UBE2D1: variants seen among roughly 807,000 people sequenced by gnomAD.
UBE2D1 encodes the protein ubiquitin conjugating enzyme E2 D1, also known as ubiquitin-conjugating enzyme E2 D1.
A neutral mutation model predicts 24.6 loss-of-function variants in UBE2D1; 9 were observed. The ratio of observed to expected loss-of-function variants is 0.37; its 90% CI spans 0.22 to 0.64. The LOEUF (loss-of-function observed/expected upper bound fraction) is 0.64, where lower values mean the gene tolerates loss of function less well. Among genes scored for constraint, UBE2D1 ranks in the 30% least tolerant of loss-of-function variants. The pLI is 0.64. For missense variants in UBE2D1, 87 were observed against 177.1 expected (o/e 0.49, Z 2.89); for synonymous variants, 57 against 57.6 (o/e 0.99, Z 0.04).
At chr10:58,362,799 G>A (rs1564562241) in intron 3 of UBE2D1, among the ~76,000 whole-genome samples, 1 of 151,926 alleles carries the variant, frequency 6.6e-6, no homozygotes, top group Non-Finnish European at 1.5e-5. Context: ...GAAACTTAAC[G>A]AGAAAGTAAT....
intron 1 of UBE2D1, among the ~76,000 whole-genome samples, chr10:58,359,155 C>G (rs892943207): frequency 6.6e-6 from 1 of 152,052 alleles, no homozygotes; most frequent in African/African-American, 2.4e-5. Context: ...AGGCCTTTCC[C>G]TGTCACACCC....
intron 5 of UBE2D1, among the ~76,000 whole-genome samples, chr10:58,367,714 A>G (rs1193423680): frequency 2.6e-5 from 4 of 152,166 alleles, no homozygotes; most frequent in Non-Finnish European, 5.9e-5. Flanking sequence ...ATAATTTTAT[A>G]TTTTATGCAT....
chr10:58,335,262 C>A, intron 1 of UBE2D1, 37 bp downstream of exon 1: 1 of 1,503,218 alleles, frequency 6.7e-7, no homozygotes, highest in South Asian at 1.3e-5. Flanking sequence ...TGCGGGGCAG[C>A]GGCCCCCTGC....
Position 58,335,037 on chromosome 10 carries a change from C to A in UBE2D1, c.-165C>A. On this transcript the variant is annotated 5_prime_UTR_variant, in exon 1 of 7. Coordinates refer to ENST00000373910, the MANE Select transcript of UBE2D1 (RefSeq NM_003338.5). ...TCGCGCACACTCGCGCTCGGGCGCACACGGAGCAGGGACCGGCGCCCGGAG... is the reference window on the plus strand; with the variant it reads ...TCGCGCACACTCGCGCTCGGGCGCAAACGGAGCAGGGACCGGCGCCCGGAG... 1.5e-6 allele frequency: 1 copy of A among 654,688 alleles called. No homozygotes were observed. The highest frequency in any genetic ancestry group is 2.5e-6 in the Non-Finnish European group (1 of 404,860). The allele number at this position is 654,688 out of a possible 1,614,324, so 40.6% of individuals were successfully genotyped here. A position where few individuals can be genotyped will look rare whatever the true frequency, so the allele number is the denominator to read the frequency against.
chr10:58,335,053 G>T lies in UBE2D1; in HGVS notation c.-149G>T. 5 of 801,724 alleles carry T rather than the reference G, an allele frequency of 6.2e-6. No individual in the cohort carries two copies. The highest frequency in any genetic ancestry group is 9.7e-6 in the Non-Finnish European group (5 of 514,054). The allele number at this position is 801,724 out of a possible 1,614,324, so 49.7% of individuals were successfully genotyped here. ...TCGGGCGCACACGGAGCAGGGACCGGCGCCCGGAGCGAGCCAGGGAGCGGC... is the reference window on the plus strand; with the variant it reads ...TCGGGCGCACACGGAGCAGGGACCGTCGCCCGGAGCGAGCCAGGGAGCGGC... On this transcript the variant is annotated 5_prime_UTR_variant, in exon 1 of 7. Transcript: ENST00000373910.
chr10:58,368,985 C>A lies in UBE2D1; in HGVS notation c.*220C>A. The A allele has an allele frequency of 3.2e-6, 1 of 316,216 alleles. No individual in the cohort carries two copies. The highest frequency in any genetic ancestry group is 4.7e-5 in the East Asian group (1 of 21,100). The allele number at this position is 316,216 out of a possible 1,614,324, so 19.6% of individuals were successfully genotyped here. A position where few individuals can be genotyped will look rare whatever the true frequency, so the allele number is the denominator to read the frequency against. ...ATCATTTTGTATGCATTGAGAAAGA[C>A]ATTTATTATGGTTTTTAAGATACTT... On this transcript the variant is annotated 3_prime_UTR_variant, in exon 7 of 7. Coordinates refer to ENST00000373910, the MANE Select transcript of UBE2D1 (RefSeq NM_003338.5).
Position 58,339,921 on chromosome 10 carries a change from G to A in UBE2D1, c.24+4696G>A, listed in dbSNP as rs542293970. ...TTCCACTTCTTAGGAGAGAATGATA[G>A]TTTTTGGATGTTGAAGAGAGCATTC... is the stretch of plus-strand genomic sequence containing the variant. On this transcript the variant is annotated intron_variant, in intron 1 of 6. Coordinates refer to ENST00000373910, the MANE Select transcript of UBE2D1 (RefSeq NM_003338.5). Among the ~76,000 whole-genome samples, 75 of 152,254 alleles carry A rather than the reference G, an allele frequency of 4.9e-4. 4 individuals carry two copies. In the South Asian group the frequency reaches 0.015, roughly 30 times the overall value.
chr10:58,346,604 A>G (rs1367591625), intron 1 of UBE2D1, among the ~76,000 whole-genome samples: 1 of 152,176 alleles, frequency 6.6e-6, no homozygotes, highest in Non-Finnish European at 1.5e-5. Context: ...TTTGCAACTA[A>G]AGGCAAGATT....
chr10:58,364,929 T>C (rs562299118), intron 5 of UBE2D1, 53 bp downstream of exon 5: 1 of 1,384,346 alleles, frequency 7.2e-7, no homozygotes, highest in African/African-American at 1.4e-5. Context: ...ACAGGAAAAA[T>C]ACAGCAGAAT....
chr10:58,360,921 CAAAAA>C, intron 1 of UBE2D1: 1 of 392,504 alleles, frequency 2.5e-6, no homozygotes, highest in South Asian at 1.8e-5. Flanking sequence ...GATCCTGTCT[CAAAAA>C]AAAAAAAAAA....
chr10:58,363,376 C>T (rs766190450), intron 3 of UBE2D1, among the ~76,000 whole-genome samples: 1 of 152,056 alleles, frequency 6.6e-6, no homozygotes, highest in Non-Finnish European at 1.5e-5. Context: ...TTTATGATGT[C>T]GGCATAGTTG....
chr10:58,336,283 A>G (rs1461666738), intron 1 of UBE2D1, among the ~76,000 whole-genome samples: 2 of 152,254 alleles, frequency 1.3e-5, no homozygotes, highest in African/African-American at 4.8e-5. Flanking sequence ...GCTTTTCACT[A>G]AGTTAAGCAA....
chr10:58,341,653 A>C (rs1409967103), intron 1 of UBE2D1, among the ~76,000 whole-genome samples: 1 of 152,210 alleles, frequency 6.6e-6, no homozygotes, highest in Non-Finnish European at 1.5e-5. Context: ...AGGATGTGGG[A>C]TTGCCTCCAG....
chr10:58,344,853 G>A (rs1018691547), intron 1 of UBE2D1, among the ~76,000 whole-genome samples: 1 of 150,112 alleles, frequency 6.7e-6, no homozygotes, highest in Non-Finnish European at 1.5e-5. Context: ...TGCCTTATAG[G>A]TAATAGTTTT....
At chr10:58,345,130 G>T (rs1045572010) in intron 1 of UBE2D1, among the ~76,000 whole-genome samples, 1 of 151,954 alleles carries the variant, frequency 6.6e-6, no homozygotes, top group Non-Finnish European at 1.5e-5. Flanking sequence ...CTCCCAAAGT[G>T]CTGGGATTAC....
chr10:58,361,326 G>T lies in UBE2D1; in HGVS notation c.25-12G>T, dbSNP rs373233616. The T allele has an allele frequency of 1.1e-5, 18 of 1,613,664 alleles. No individual in the cohort carries two copies. The highest frequency in any genetic ancestry group is 2.2e-5 in the South Asian group (2 of 91,052). On this transcript the variant is annotated splice_polypyrimidine_tract_variant and intron_variant, in intron 1 of 6. Transcript: ENST00000373910. ...GAAGGAATTAACCTTACATATTTTTGATTTCCTTCAGGAATTGAGTGATCT... is the reference window on the plus strand; with the variant it reads ...GAAGGAATTAACCTTACATATTTTTTATTTCCTTCAGGAATTGAGTGATCT...
chr10:58,360,498 G>A (rs145685759), intron 1 of UBE2D1, among the ~76,000 whole-genome samples: 18 of 152,260 alleles, frequency 1.2e-4, no homozygotes, highest in Non-Finnish European at 1.8e-4. Flanking sequence ...ACCCAGGGGC[G>A]GGGTGAACTC....
At chr10:58,335,650 C>T (rs1269597186) in intron 1 of UBE2D1, among the ~76,000 whole-genome samples, 1 of 152,228 alleles carries the variant, frequency 6.6e-6, no homozygotes, top group Non-Finnish European at 1.5e-5. Context: ...ACCCGGCCTC[C>T]CCGGGAGGGC....
chr10:58,362,952 T>C (rs191055447), intron 3 of UBE2D1, among the ~76,000 whole-genome samples: 2 of 152,240 alleles, frequency 1.3e-5, no homozygotes, highest in African/African-American at 4.8e-5. Context: ...TATTTTCTAA[T>C]GGCTATAAAG....
Sources: allele counts gnomAD v4.1 joint callset (sites outside exome capture counted in the v4.1 genomes callset), GRCh38; gene constraint gnomAD v4.1.1; transcripts MANE v1.5; gene names NCBI Gene and HGNC (gene_info 2026-07-23, HGNC 2026-07-21).